PKIB: variants seen among roughly 807,000 people sequenced by gnomAD.
The protein encoded by PKIB is cAMP-dependent protein kinase inhibitor beta, also known as PKI-beta.
In PKIB, 2 loss-of-function variants were observed where a neutral mutation model predicts 4.5. That is an observed-to-expected ratio of 0.44 (90% confidence interval 0.18 to 1.39). The LOEUF (loss-of-function observed/expected upper bound fraction) is 1.39, where lower values mean the gene tolerates loss of function less well. PKIB is among the 40% of genes most tolerant of loss of function. The pLI, the probability that PKIB is intolerant of heterozygous loss-of-function variation, is 0.27. For synonymous variants in PKIB, 38 were observed against 36.0 expected (o/e 1.06, Z -0.20); for missense variants, 94 against 92.6 (o/e 1.02, Z -0.06).
At chr6:122,689,819 T>C (rs1267316584) in intron 3 of PKIB, among the ~76,000 whole-genome samples, 1 of 152,188 alleles carries the variant, frequency 6.6e-6, no homozygotes, top group Admixed American at 6.5e-5. Context: ...TGATTTTCTG[T>C]CTAGCAGATC....
rs1775315472 is a variant in PKIB, at chr6:122,471,938, G to C, written c.-440G>C. On this transcript the variant is annotated 5_prime_UTR_variant, in exon 1 of 7. Coordinates refer to the PKIB transcript ENST00000392491. ...CTGAGACTGCGCATGCGCGTCACTA[G>C]ACGACACGGCTGTCTTCTTTCCTGG... 7.4e-6 allele frequency: 9 copies of C among 1,220,886 alleles called. No individual in the cohort carries two copies. In the South Asian group the frequency reaches 1.5e-4, roughly 21 times the overall value. The allele number at this position is 1,220,886 out of a possible 1,614,324, so 75.6% of individuals were successfully genotyped here. A position where few individuals can be genotyped will look rare whatever the true frequency, so the allele number is the denominator to read the frequency against.
At chr6:122,537,384 T>TCAA (rs1777439947) in intron 2 of PKIB, among the ~76,000 whole-genome samples, 1 of 152,122 alleles carries the variant, frequency 6.6e-6, no homozygotes, top group Non-Finnish European at 1.5e-5. Flanking sequence ...TTTTCCTTGT[T>TCAA]CAATTCCCAC....
intron 2 of PKIB, among the ~76,000 whole-genome samples, chr6:122,525,962 AC>A (rs1163862629): frequency 6.6e-6 from 1 of 152,174 alleles, no homozygotes; most frequent in East Asian, 1.9e-4. Flanking sequence ...CAATGTTGCT[AC>A]TGATTTATCA....
At chr6:122,524,134 C>A (rs564863281) in intron 2 of PKIB, among the ~76,000 whole-genome samples, 2 of 151,490 alleles carry the variant, frequency 1.3e-5, no homozygotes, top group African/African-American at 4.9e-5. Context: ...TTCTCCTCCT[C>A]CTTCCTCCTC....
intron 3 of PKIB, among the ~76,000 whole-genome samples, chr6:122,690,928 A>C (rs376270136): frequency 0.035 from 3,241 of 93,046 alleles, 118 homozygotes; most frequent in African/African-American, 0.13. Flanking sequence ...ATATATATAT[A>C]TATATTTTTT....
chr6:122,515,795 A>G (rs1238895958), intron 2 of PKIB, among the ~76,000 whole-genome samples: 1 of 152,106 alleles, frequency 6.6e-6, no homozygotes, highest in African/African-American at 2.4e-5. Flanking sequence ...GGTTCACTGC[A>G]ACCTGTGCCT....
chr6:122,539,020 T>C lies in PKIB; in HGVS notation c.-247-46901T>C, dbSNP rs1192092525. 1.6e-4 allele frequency among the ~76,000 whole-genome samples: 24 copies of C among 152,188 alleles called. No individual in the cohort carries two copies. The East Asian group carries it at 3.9e-3, about 24-fold the overall frequency. ...TGTATAAGAATGCTTCTGATTTTTG[T>C]ACATTGATTTTGTATCCTGAGACTT... On this transcript the variant is annotated intron_variant, in intron 2 of 6. Transcript: ENST00000392491.
At chr6:122,642,336 A>G (rs1239231611) in intron 2 of PKIB, among the ~76,000 whole-genome samples, 1 of 152,208 alleles carries the variant, frequency 6.6e-6, no homozygotes, top group Non-Finnish European at 1.5e-5. Flanking sequence ...AAAATATTGC[A>G]TGGGGCAAGA....
chr6:122,641,561 G>A (rs983419520), intron 2 of PKIB, among the ~76,000 whole-genome samples: 6 of 152,250 alleles, frequency 3.9e-5, no homozygotes, highest in Non-Finnish European at 7.4e-5. Context: ...ACAAAGCTTC[G>A]AGAGGTGATG....
At chr6:122,543,640 A>G (rs1772386887) in intron 2 of PKIB, among the ~76,000 whole-genome samples, 2 of 151,966 alleles carry the variant, frequency 1.3e-5, no homozygotes, top group African/African-American at 4.8e-5. Flanking sequence ...TCAGTCTCCC[A>G]AAGTGCTGGG....
chr6:122,607,323 C>G (rs1000324978), upstream of PKIB, among the ~76,000 whole-genome samples: 2 of 151,184 alleles, frequency 1.3e-5, no homozygotes, highest in Non-Finnish European at 2.9e-5. Context: ...AAAAACAAAA[C>G]AAAACAAAAC....
At chr6:122,489,658 A>G (rs974838382) in intron 2 of PKIB, among the ~76,000 whole-genome samples, 5 of 152,248 alleles carry the variant, frequency 3.3e-5, no homozygotes, top group Admixed American at 3.3e-4. Context: ...AAGGAAAGAT[A>G]AAGTTTCTGG....
At chr6:122,553,005 C>T (rs746450686) in intron 2 of PKIB, among the ~76,000 whole-genome samples, 41 of 152,052 alleles carry the variant, frequency 2.7e-4, no homozygotes, top group Non-Finnish European at 4.9e-4. Context: ...AACTAATCTT[C>T]GTTTATCCCT....
At chr6:122,555,107 C>T (rs982749170) in intron 2 of PKIB, among the ~76,000 whole-genome samples, 4 of 152,110 alleles carry the variant, frequency 2.6e-5, no homozygotes, top group South Asian at 4.1e-4. Flanking sequence ...CTGTGAAAAG[C>T]GCTCTATTAG....
chr6:122,485,913 CTCTCT>C (rs1775753210), intron 2 of PKIB, among the ~76,000 whole-genome samples: 1 of 152,122 alleles, frequency 6.6e-6, no homozygotes, highest in Non-Finnish European at 1.5e-5. Context: ...CAAAAATTGT[CTCTCT>C]TCTATTTTTT....
chr6:122,684,606 G>A (rs1778025823), intron 3 of PKIB, among the ~76,000 whole-genome samples: 1 of 152,172 alleles, frequency 6.6e-6, no homozygotes, highest in Non-Finnish European at 1.5e-5. Flanking sequence ...GAAGTCCAGT[G>A]ACATGAGCTT....
intron 2 of PKIB, among the ~76,000 whole-genome samples, chr6:122,538,281 A>C (rs1416572997): frequency 2.0e-5 from 3 of 152,058 alleles, no homozygotes; most frequent in African/African-American, 7.3e-5. Context: ...GGTATTGCCT[A>C]GGTTTTCTTC....
At chr6:122,477,459 G>A (rs1408643655) in intron 1 of PKIB, among the ~76,000 whole-genome samples, 1 of 152,110 alleles carries the variant, frequency 6.6e-6, no homozygotes, top group African/African-American at 2.4e-5. Context: ...GTTATATTCT[G>A]ATAATCATTT....
chr6:122,663,118 T>C (rs770701975), intron 2 of PKIB, among the ~76,000 whole-genome samples: 9 of 152,208 alleles, frequency 5.9e-5, no homozygotes, highest in Non-Finnish European at 1.0e-4. Context: ...TAGCTTGATA[T>C]CTGTTAATAC....
Sources: allele counts gnomAD v4.1 joint callset (sites outside exome capture counted in the v4.1 genomes callset), GRCh38; gene constraint gnomAD v4.1.1; transcripts MANE v1.5; gene names NCBI Gene and HGNC (gene_info 2026-07-23, HGNC 2026-07-21).